Variants in WDR12 observed in about 807,000 individuals in gnomAD.
WDR12 encodes the protein WD repeat domain 12.
WDR12 carries 42 observed loss-of-function variants against 64.3 expected under a neutral mutation model. The ratio of observed to expected loss-of-function variants is 0.65; its 90% CI spans 0.51 to 0.84. WDR12 has a LOEUF of 0.84. WDR12 is among the 40% of genes least tolerant of loss of function. The pLI, the probability that WDR12 is intolerant of heterozygous loss-of-function variation, is 0.00. For missense variants in WDR12, 469 were observed against 494.6 expected (o/e 0.95, Z 0.49); for synonymous variants, 158 against 173.3 (o/e 0.91, Z 0.70).
chr2:202,895,616 G>A (rs537797958), intron 6 of WDR12, among the ~76,000 whole-genome samples: 4 of 147,872 alleles, frequency 2.7e-5, no homozygotes, highest in South Asian at 4.3e-4. Context: ...TCTGTCTCCC[G>A]GGTTCAAGTG....
At chr2:202,910,504 C>A (rs1384135119) in intron 1 of WDR12, among the ~76,000 whole-genome samples, 4 of 152,014 alleles carry the variant, frequency 2.6e-5, no homozygotes, top group Admixed American at 2.0e-4. Flanking sequence ...GCCTGGGCAA[C>A]AGAGTGAGAC....
rs1448328760 is a variant in WDR12, at chr2:202,876,342, TA to T, written c.*4517del. 1 of 152,224 alleles carries T rather than the reference TA, an allele frequency of 6.6e-6. No individual in the cohort carries two copies. The highest frequency in any genetic ancestry group is 1.5e-5 in the Non-Finnish European group (1 of 68,046). The allele number at this position is 152,224 out of a possible 1,614,324, so 9.4% of individuals were successfully genotyped here. On this transcript the variant is annotated 3_prime_UTR_variant, in exon 13 of 13. Coordinates refer to ENST00000261015, the MANE Select transcript of WDR12 (RefSeq NM_018256.4). ...AGGAGTTGAGCCTGGATGGCAGAGCTAGACTATGTCTCGTAAAAAGAGATAT... is the reference window on the plus strand; with the variant it reads ...AGGAGTTGAGCCTGGATGGCAGAGCTGACTATGTCTCGTAAAAAGAGATAT...
At chr2:202,906,014 G>A (rs181117889) in intron 2 of WDR12, among the ~76,000 whole-genome samples, 22 of 152,250 alleles carry the variant, frequency 1.4e-4, no homozygotes, top group African/African-American at 5.1e-4. Context: ...TAAAAACAAC[G>A]AAGAGTATAA....
At position 202,875,320 on chromosome 2, in the gene WDR12, A is replaced by G. The variant is rs1483447970; in HGVS notation, c.*5540T>C. The G allele has an allele frequency of 6.6e-6, 1 of 152,180 alleles. No homozygotes were observed. Among genetic ancestry groups the G allele is most frequent in the African/African-American group, 2.4e-5 (1 of 41,438 alleles). 9.4% of individuals were successfully genotyped at this position (152,180 alleles called of 1,614,324 possible). On this transcript the variant is annotated 3_prime_UTR_variant, in exon 13 of 13. Transcript: ENST00000261015. ...AATTGAAATTAATTTTAAAGGCAAA[A>G]AAATGCAAAGCTGAACATATTATTG... is the stretch of plus-strand genomic sequence containing the variant.
At chr2:202,892,066 T>C (rs979792930) in intron 8 of WDR12, among the ~76,000 whole-genome samples, 2 of 152,244 alleles carry the variant, frequency 1.3e-5, no homozygotes, top group Non-Finnish European at 2.9e-5. Context: ...TATCTAATCA[T>C]GTAGTACACG....
Position 202,874,706 on chromosome 2 carries a change from G to GTT in WDR12, c.*6153_*6154insAA, listed in dbSNP as rs1471284733. The GTT allele has an allele frequency of 6.6e-6, 1 of 152,182 alleles. No individual in the cohort carries two copies. The highest frequency in any genetic ancestry group is 2.4e-5 in the African/African-American group (1 of 41,438). The allele number at this position is 152,182 out of a possible 1,614,324, so 9.4% of individuals were successfully genotyped here. A position where few individuals can be genotyped will look rare whatever the true frequency, so the allele number is the denominator to read the frequency against. On this transcript the variant is annotated 3_prime_UTR_variant, in exon 13 of 13. Transcript: ENST00000261015. ...ACGTCAGGAGAAGCATTATAGGTCA[G>GTT]TGACAGTGGGGCCATGGAGAGCTAT...
chr2:202,898,593 C>T (rs1395919119), intron 4 of WDR12, among the ~76,000 whole-genome samples: 1 of 152,198 alleles, frequency 6.6e-6, no homozygotes, highest in African/African-American at 2.4e-5. Context: ...GAGTTGTTTT[C>T]CTACAAGTAA....
chr2:202,899,774 C>T (rs1688317686), intron 3 of WDR12, 137 bp from the exon 4 acceptor site: 1 of 699,084 alleles, frequency 1.4e-6, no homozygotes, highest in African/African-American at 1.8e-5. Flanking sequence ...AATTTGGAGC[C>T]ATTCAAAAAG....
intron 4 of WDR12, among the ~76,000 whole-genome samples, chr2:202,898,852 G>C (rs959878417): frequency 1.3e-5 from 2 of 150,822 alleles, no homozygotes; most frequent in Admixed American, 6.6e-5. Flanking sequence ...GCTGGGTGTA[G>C]AGAAATCCCA....
At position 202,878,958 on chromosome 2, in the gene WDR12, T is replaced by C. The variant is rs563393747; in HGVS notation, c.*1902A>G. On this transcript the variant is annotated 3_prime_UTR_variant, in exon 13 of 13. Coordinates refer to ENST00000261015, the MANE Select transcript of WDR12 (RefSeq NM_018256.4). ...TAGAATGTTTAATACTGATGAAAGG[T>C]TTTGTCTAAAAAATTTATTCTAATC... The C allele has an allele frequency of 1.3e-5, 2 of 152,180 alleles. No individual in the cohort carries two copies. The highest frequency in any genetic ancestry group is 2.9e-5 in the Non-Finnish European group (2 of 68,044). The allele number at this position is 152,180 out of a possible 1,614,324, so 9.4% of individuals were successfully genotyped here. A position where few individuals can be genotyped will look rare whatever the true frequency, so the allele number is the denominator to read the frequency against.
chr2:202,880,981 T>C, intron 12 of WDR12, 44 bp from the exon 13 acceptor site: 1 of 1,491,194 alleles, frequency 6.7e-7, no homozygotes, highest in South Asian at 1.3e-5. Context: ...TAAATAAATA[T>C]AATTATTTCA....
chr2:202,883,840 G>A, intron 10 of WDR12, 99 bp from the exon 11 acceptor site: 1 of 1,200,834 alleles, frequency 8.3e-7, no homozygotes, highest in East Asian at 2.6e-5. Flanking sequence ...TTGAGATGGA[G>A]TCTTGCTCTG....
intron 2 of WDR12, among the ~76,000 whole-genome samples, chr2:202,904,648 C>G (rs936338913): frequency 3.9e-5 from 6 of 152,204 alleles, no homozygotes; most frequent in Admixed American, 1.3e-4. Context: ...ACCCCTATCT[C>G]TTGCCACATA....
chr2:202,907,916 C>T lies in WDR12; in HGVS notation c.85G>A (p.Glu29Lys). The T allele has an allele frequency of 6.2e-7, 1 of 1,614,002 alleles. No homozygotes were observed. ...ATGATGTTACTAAGGTCGGCAATTT[C>T]AGAGGCAGCAGGGATTGAGAAGGGA... ...DVPFSIPAAS[E>K]IADLSNIINK... The change falls in exon 2 of 13, where the codon GAA (glutamate) becomes AAA (lysine). Residue 29 changes from glutamate to lysine, a missense_variant. Coordinates refer to ENST00000261015, the MANE Select transcript of WDR12 (RefSeq NM_018256.4).
At chr2:202,908,092 A>G in intron 1 of WDR12, 133 bp from the exon 2 acceptor site, 1 of 771,662 alleles carries the variant, frequency 1.3e-6, no homozygotes, top group East Asian at 2.8e-5. Context: ...GTTGTAAACA[A>G]AAATGAATTA....
At chr2:202,907,988 C>A in intron 1 of WDR12, 29 bp from the exon 2 acceptor site, 2 of 1,582,002 alleles carry the variant, frequency 1.3e-6, no homozygotes, top group South Asian at 2.2e-5. Flanking sequence ...ATGTCAAGAT[C>A]AAGTCTACAG....
Position 202,884,307 on chromosome 2 carries a change from A to T in WDR12, c.883-4T>A. On this transcript the variant is annotated splice_polypyrimidine_tract_variant and splice_region_variant and intron_variant, in intron 9 of 12. Coordinates refer to ENST00000261015, the MANE Select transcript of WDR12 (RefSeq NM_018256.4). ...AATTAAACACTTTATTTCCTGTCTG[A>T]AAAAGAAAAGGAAAGAACATTAACC... 3.1e-6 allele frequency: 5 copies of T among 1,613,936 alleles called. No homozygotes were observed. Among genetic ancestry groups the T allele is most frequent in the Non-Finnish European group, 4.2e-6 (5 of 1,179,934 alleles).
At chr2:202,907,612 T>G (rs981288087) in intron 2 of WDR12, among the ~76,000 whole-genome samples, 3 of 152,210 alleles carry the variant, frequency 2.0e-5, no homozygotes, top group Admixed American at 2.0e-4. Context: ...ACCAAAATCT[T>G]TATTCCTTAA....
At chr2:202,908,681 TGAA>T (rs1688507065) in intron 1 of WDR12, among the ~76,000 whole-genome samples, 1 of 152,230 alleles carries the variant, frequency 6.6e-6, no homozygotes, top group Non-Finnish European at 1.5e-5. Context: ...TTGTGGGTAA[TGAA>T]GAACTATCAC....
Sources: allele counts gnomAD v4.1 joint callset (sites outside exome capture counted in the v4.1 genomes callset), GRCh38; gene constraint gnomAD v4.1.1; transcripts MANE v1.5; gene names NCBI Gene and HGNC (gene_info 2026-07-23, HGNC 2026-07-21).